Variants in GRAMD1C observed in about 807,000 individuals in gnomAD.
GRAMD1C encodes protein Aster-C.
Under a neutral mutation model 97.8 loss-of-function variants are expected in GRAMD1C, and 89 were observed. The observed-to-expected ratio is 0.91, with a 90% confidence interval of 0.77 to 1.09. GRAMD1C has a LOEUF of 1.09. Ranked by LOEUF, GRAMD1C falls within the 50% of genes least tolerant of loss-of-function variation. GRAMD1C has a pLI of 0.00. For missense variants in GRAMD1C, 740 were observed against 766.4 expected (o/e 0.97, Z 0.41); for synonymous variants, 256 against 267.0 (o/e 0.96, Z 0.40).
chr3:113,903,772 C>T (rs889611809), intron 7 of GRAMD1C, among the ~76,000 whole-genome samples: 6 of 151,436 alleles, frequency 4.0e-5, no homozygotes, highest in Non-Finnish European at 7.4e-5. Flanking sequence ...CCTTCTTGTG[C>T]GATCTAGTAT....
chr3:113,878,105 CA>C (rs777524901), intron 5 of GRAMD1C, among the ~76,000 whole-genome samples: 1 of 152,112 alleles, frequency 6.6e-6, no homozygotes, highest in Non-Finnish European at 1.5e-5. Flanking sequence ...TGAAACTATG[CA>C]GATATACCAT....
intron 17 of GRAMD1C, among the ~76,000 whole-genome samples, chr3:113,942,217 A>AT (rs1304568930): frequency 0.034 from 4,828 of 140,746 alleles, 198 homozygotes; most frequent in African/African-American, 0.1. Flanking sequence ...CCCAGCTGCA[A>AT]TTTTTTTTTT....
intron 9 of GRAMD1C, among the ~76,000 whole-genome samples, chr3:113,910,129 A>T (rs959162932): frequency 2.6e-5 from 4 of 152,208 alleles, no homozygotes; most frequent in African/African-American, 9.6e-5. Flanking sequence ...CACGCCTGTA[A>T]TCCCAGCACT....
chr3:113,845,984 G>C (rs563897725), intron 2 of GRAMD1C, among the ~76,000 whole-genome samples: 1 of 152,146 alleles, frequency 6.6e-6, no homozygotes, highest in East Asian at 1.9e-4. Context: ...ATATTTAATT[G>C]CTAAGAAATA....
intron 2 of GRAMD1C, among the ~76,000 whole-genome samples, chr3:113,863,596 C>T (rs965197473): frequency 6.6e-6 from 1 of 152,170 alleles, no homozygotes; most frequent in Admixed American, 6.6e-5. Context: ...CTGACTTGTA[C>T]ATTGCAAAAG....
At chr3:113,933,470 T>A in intron 11 of GRAMD1C, 41 bp from the exon 12 acceptor site, 1 of 1,419,594 alleles carries the variant, frequency 7.0e-7, no homozygotes, top group Non-Finnish European at 9.9e-7. Context: ...ATTCATATAT[T>A]AAGCATATAC....
At chr3:113,851,719 T>C (rs111599896) in intron 2 of GRAMD1C, among the ~76,000 whole-genome samples, 17 of 152,090 alleles carry the variant, frequency 1.1e-4, no homozygotes, top group African/African-American at 3.6e-4. Context: ...GGTTTCACCA[T>C]GTGAGCCAGG....
In GRAMD1C at chr3:113,875,506, G is replaced by A. The variant is rs773503438; in HGVS notation, c.282G>A (p.Arg94=). 7 of 1,503,836 alleles carry A rather than the reference G, an allele frequency of 4.7e-6. No homozygotes were observed. The highest frequency in any genetic ancestry group is 6.5e-6 in the Non-Finnish European group (7 of 1,078,498). The allele number at this position is 1,503,836 out of a possible 1,614,324, so 93.2% of individuals were successfully genotyped here. ...TAGATTATGCTTGTGCTCTTCAGAG[G>A]GACATTTTGCTTCAGGGACGACTAT... ...LIADYACALQ[R]DILLQGRLYL... Residue 94 remains arginine, a synonymous_variant, in exon 4 of 18, where the codon AGG becomes AGA. Coordinates refer to ENST00000358160, the MANE Select transcript of GRAMD1C (RefSeq NM_017577.5).
At chr3:113,907,154 C>T (rs1266308977) in intron 8 of GRAMD1C, among the ~76,000 whole-genome samples, 1 of 152,124 alleles carries the variant, frequency 6.6e-6, no homozygotes, top group Non-Finnish European at 1.5e-5. Context: ...ATCCAATAAC[C>T]ATAAGCTGTT....
At position 113,919,478 on chromosome 3, in the gene GRAMD1C, G is replaced by T; in HGVS notation, c.1090+3640G>T. 7.6e-6 allele frequency: 4 copies of T among 524,030 alleles called. 1 individual carries two copies. Among genetic ancestry groups the T allele is most frequent in the South Asian group, 4.4e-5 (3 of 68,574 alleles). 32.5% of individuals were successfully genotyped at this position (524,030 alleles called of 1,614,324 possible). A position where few individuals can be genotyped will look rare whatever the true frequency, so the allele number is the denominator to read the frequency against. ...TTACAATGACAAGAGTAATGCTCAT[G>T]AATTTATAAACCTAATGAAAGAACT... is the stretch of plus-strand genomic sequence containing the variant. On this transcript the variant is annotated intron_variant, in intron 10 of 17. Coordinates refer to ENST00000358160, the MANE Select transcript of GRAMD1C (RefSeq NM_017577.5).
intron 2 of GRAMD1C, among the ~76,000 whole-genome samples, chr3:113,861,941 TTCTGTGATG>T (rs926495554): frequency 7.9e-5 from 12 of 152,136 alleles, no homozygotes; most frequent in Non-Finnish European, 1.5e-4. Flanking sequence ...TGTCAGCAGG[TTCTGTGATG>T]CCCTCGAGCC....
At chr3:113,828,820 C>T (rs946943410) in intron 1 of GRAMD1C, among the ~76,000 whole-genome samples, 4 of 152,152 alleles carry the variant, frequency 2.6e-5, no homozygotes, top group Admixed American at 2.0e-4. Flanking sequence ...TGAACCACCA[C>T]TCCTGTCAGC....
At chr3:113,940,665 T>G (rs940701807) in intron 17 of GRAMD1C, among the ~76,000 whole-genome samples, 4 of 152,292 alleles carry the variant, frequency 2.6e-5, no homozygotes, top group East Asian at 1.9e-4. Context: ...CTAAATAAAA[T>G]TCGATGCATA....
chr3:113,857,587 A>G (rs577273942), intron 2 of GRAMD1C, among the ~76,000 whole-genome samples: 3 of 152,204 alleles, frequency 2.0e-5, no homozygotes, highest in South Asian at 2.1e-4. Flanking sequence ...CGTGTTAGCC[A>G]GGATGGTCTC....
rs78889994 is a variant in GRAMD1C, at chr3:113,841,632, C to T, written c.27+2696C>T. Among the ~76,000 whole-genome samples the T allele has an allele frequency of 3.0e-4, 45 of 152,072 alleles. No homozygotes were observed. The East Asian group carries it at 8.3e-3, about 28-fold the overall frequency. ...TAACAAGTTTTAGTCCTTGAAGGCCCTGTTTTGTTTTATATTGGGTTGTAT... is the reference window on the plus strand; with the variant it reads ...TAACAAGTTTTAGTCCTTGAAGGCCTTGTTTTGTTTTATATTGGGTTGTAT... On this transcript the variant is annotated intron_variant, in intron 1 of 17. Coordinates refer to ENST00000358160, the MANE Select transcript of GRAMD1C (RefSeq NM_017577.5).
intron 5 of GRAMD1C, among the ~76,000 whole-genome samples, chr3:113,877,927 A>G (rs974596733): frequency 6.6e-6 from 1 of 151,910 alleles, no homozygotes; most frequent in African/African-American, 2.4e-5. Context: ...ACAGGCATAC[A>G]CCACCATGCC....
At chr3:113,885,984 G>A (rs1935459306) in intron 6 of GRAMD1C, 7 of 1,438,138 alleles carry the variant, frequency 4.9e-6, no homozygotes, top group African/African-American at 1.6e-5. Context: ...CACCGCTGAC[G>A]TTCATTCTGT....
chr3:113,858,403 T>G (rs924627103), intron 2 of GRAMD1C, among the ~76,000 whole-genome samples: 1 of 146,370 alleles, frequency 6.8e-6, no homozygotes, highest in African/African-American at 2.5e-5. Flanking sequence ...CATTTTTTTT[T>G]TTTTTTTTTT....
chr3:113,920,652 C>T (rs1937011225), intron 10 of GRAMD1C, among the ~76,000 whole-genome samples: 1 of 152,040 alleles, frequency 6.6e-6, no homozygotes, highest in Non-Finnish European at 1.5e-5. Context: ...AGTGATTCTC[C>T]TGCTTATTCT....
Sources: gnomAD v4.1 joint callset for allele counts (sites outside exome capture counted in the v4.1 genomes callset) on GRCh38, gnomAD v4.1.1 for gene constraint, MANE v1.5 for transcripts, NCBI Gene and HGNC (gene_info 2026-07-23, HGNC 2026-07-21) for gene names.